Variants in CDH10 observed in about 807,000 individuals in gnomAD.
CDH10 encodes the protein cadherin 10, also known as cadherin-10.
A neutral mutation model predicts 73.1 loss-of-function variants in CDH10; 30 were observed. The observed-to-expected ratio is 0.41, with a 90% confidence interval of 0.31 to 0.56. CDH10 has a LOEUF of 0.56. CDH10 is among the 20% of genes least tolerant of loss of function. The probability of loss-of-function intolerance (pLI) is 0.27; values close to 1 mark genes in which losing one functional copy is unlikely to be tolerated. For synonymous variants in CDH10, 345 were observed against 348.2 expected (o/e 0.99, Z 0.10); for missense variants, 815 against 973.7 (o/e 0.84, Z 2.17).
At chr5:24,539,324 T>G (rs934918689) in intron 2 of CDH10, among the ~76,000 whole-genome samples, 2 of 152,054 alleles carry the variant, frequency 1.3e-5, no homozygotes, top group African/African-American at 4.8e-5. Flanking sequence ...TTTTGTTTAT[T>G]TAATTGAAAG....
At chr5:24,549,219 A>G (rs966445311) in intron 2 of CDH10, among the ~76,000 whole-genome samples, 4 of 152,170 alleles carry the variant, frequency 2.6e-5, no homozygotes, top group African/African-American at 2.4e-5. Flanking sequence ...GTGAAGCACA[A>G]TCAAAAGCTG....
At chr5:24,502,253 A>G (rs568477799) in intron 8 of CDH10, among the ~76,000 whole-genome samples, 1 of 152,250 alleles carries the variant, frequency 6.6e-6, no homozygotes, top group East Asian at 1.9e-4. Flanking sequence ...TTTTTGAAGA[A>G]GAAAAAGAGG....
chr5:24,495,648 A>T (rs1252288314), intron 9 of CDH10, among the ~76,000 whole-genome samples: 1 of 152,052 alleles, frequency 6.6e-6, no homozygotes, highest in African/African-American at 2.4e-5. Flanking sequence ...GGAAATCGAG[A>T]CCATCCTGGC....
intron 1 of CDH10, among the ~76,000 whole-genome samples, chr5:24,641,820 T>G (rs998500552): frequency 2.2e-4 from 34 of 152,218 alleles, no homozygotes; most frequent in African/African-American, 7.9e-4. Context: ...TAGTAAGTTG[T>G]CTCTTTTGAA....
chr5:24,545,523 G>A (rs1246353054), intron 2 of CDH10, among the ~76,000 whole-genome samples: 1 of 152,080 alleles, frequency 6.6e-6, no homozygotes, highest in Non-Finnish European at 1.5e-5. Context: ...TATTCACTAA[G>A]GAGCCTTTCA....
intron 1 of CDH10, among the ~76,000 whole-genome samples, chr5:24,643,581 T>C (rs1057219185): frequency 1.3e-4 from 20 of 151,472 alleles, no homozygotes; most frequent in Non-Finnish European, 2.2e-4. Flanking sequence ...AGCTGAGAAG[T>C]AATGGATGTG....
intron 8 of CDH10, among the ~76,000 whole-genome samples, chr5:24,504,815 T>C (rs555239832): frequency 4.6e-4 from 70 of 152,136 alleles, no homozygotes; most frequent in African/African-American, 1.6e-3. Context: ...TGAGCCACCG[T>C]GCCCGGCCTG....
chr5:24,552,326 A>G lies in CDH10; in HGVS notation c.232-14652T>C, dbSNP rs145938646. ...CTTCTAGTGTGCAAAACTATTATGT[A>G]TTCTAGTAAATTGAAGAAAGGTCAT... On this transcript the variant is annotated intron_variant, in intron 2 of 11. Coordinates refer to ENST00000264463, the MANE Select transcript of CDH10 (RefSeq NM_006727.5). 8.5e-3 allele frequency among the ~76,000 whole-genome samples: 1,297 copies of G among 152,164 alleles called. 69 individuals are homozygous for G. Among genetic ancestry groups the G allele is most frequent in the Admixed American group, 0.077 (1,179 of 15,262 alleles).
chr5:24,504,776 G>T (rs182808637), intron 8 of CDH10, among the ~76,000 whole-genome samples: 4 of 151,330 alleles, frequency 2.6e-5, no homozygotes, highest in Non-Finnish European at 5.9e-5. Flanking sequence ...CGCCCACCTC[G>T]GCCTCCCAAA....
At chr5:24,630,565 A>AC (rs1383783272) in intron 1 of CDH10, among the ~76,000 whole-genome samples, 1 of 151,446 alleles carries the variant, frequency 6.6e-6, no homozygotes, top group Non-Finnish European at 1.5e-5. Context: ...AAAAAAAAAA[A>AC]AGAATATCAA....
chr5:24,548,410 C>T (rs1053446867), intron 2 of CDH10, among the ~76,000 whole-genome samples: 3 of 151,368 alleles, frequency 2.0e-5, no homozygotes, highest in Non-Finnish European at 4.4e-5. Context: ...CTTGAGCCAC[C>T]GAGCCCAGCC....
chr5:24,553,281 T>C (rs1827819), intron 2 of CDH10, among the ~76,000 whole-genome samples: 144,719 of 152,044 alleles, frequency 0.95, 68,967 homozygotes, highest in East Asian at 1. Flanking sequence ...TATTGTTCCT[T>C]GGTGTGTGTA....
At chr5:24,591,012 G>C (rs1746183026) in intron 2 of CDH10, among the ~76,000 whole-genome samples, 2 of 152,010 alleles carry the variant, frequency 1.3e-5, no homozygotes, top group Admixed American at 6.6e-5. Flanking sequence ...AATAATGATG[G>C]AGAGAATATG....
At chr5:24,619,358 TA>T (rs1310606462) in intron 1 of CDH10, among the ~76,000 whole-genome samples, 23 of 152,088 alleles carry the variant, frequency 1.5e-4, no homozygotes, top group Non-Finnish European at 2.9e-5. Flanking sequence ...CACGCCCAGC[TA>T]ATTTTTTGTA....
intron 9 of CDH10, among the ~76,000 whole-genome samples, chr5:24,494,964 T>C (rs1350658819): frequency 1.3e-5 from 2 of 152,216 alleles, no homozygotes; most frequent in African/African-American, 4.8e-5. Flanking sequence ...GGTTTTTTTT[T>C]CCTTTAAGAC....
chr5:24,619,493 T>C (rs1245328529), intron 1 of CDH10, among the ~76,000 whole-genome samples: 1 of 152,122 alleles, frequency 6.6e-6, no homozygotes, highest in Non-Finnish European at 1.5e-5. Flanking sequence ...GTGCCCGGCC[T>C]GATTTAGATG....
At chr5:24,539,029 T>C in intron 2 of CDH10, among the ~76,000 whole-genome samples, 1 of 152,208 alleles carries the variant, frequency 6.6e-6, no homozygotes, top group Middle Eastern at 3.4e-3. Flanking sequence ...TTTTTAAAAC[T>C]GTAGATCTTA....
rs372083582 is a variant in CDH10, at chr5:24,616,336, T to C, written c.-123-22723A>G. Among the ~76,000 whole-genome samples, 24 of 152,278 alleles carry C rather than the reference T, an allele frequency of 1.6e-4. 1 individual carries two copies. The East Asian group carries it at 2.1e-3, about 13-fold the overall frequency. ...AAATTTGTTTTTTCCGCAACGAATT[T>C]GGATTATGGTTAACACTGTAATTTT... is the stretch of plus-strand genomic sequence containing the variant. On this transcript the variant is annotated intron_variant, in intron 1 of 11. Coordinates refer to ENST00000264463, the MANE Select transcript of CDH10 (RefSeq NM_006727.5).
chr5:24,519,369 T>C (rs1743228555), intron 5 of CDH10, among the ~76,000 whole-genome samples: 1 of 152,112 alleles, frequency 6.6e-6, no homozygotes, highest in Non-Finnish European at 1.5e-5. Flanking sequence ...AAAAGGTTGA[T>C]AAATCAGTCT....
Sources: allele counts gnomAD v4.1 joint callset (sites outside exome capture counted in the v4.1 genomes callset), GRCh38; gene constraint gnomAD v4.1.1; transcripts MANE v1.5; gene names NCBI Gene and HGNC (gene_info 2026-07-23, HGNC 2026-07-21).